The following PRB4 variants were observed in gnomAD, a reference collection of about 807,000 sequenced individuals.
PRB4 encodes proline rich protein BstNI subfamily 4, also known as basic salivary proline-rich protein 4.
In PRB4, 14 loss-of-function variants were observed where a neutral mutation model predicts 9.1. The ratio of observed to expected loss-of-function variants is 1.54; its 90% CI spans 1.02 to 2.41. The LOEUF is 2.41. PRB4 is among the 30% of genes most tolerant of loss of function. PRB4 has a pLI of 0.00. For synonymous variants in PRB4, 102 were observed against 108.5 expected, an observed-to-expected ratio of 0.94 and a Z score of 0.37; for missense variants, 381 against 299.3, an observed-to-expected ratio of 1.27 and a Z score of -2.02.
Position 11,308,223 on chromosome 12 carries a change from G to C in PRB4, c.*16C>G. On this transcript the variant is annotated splice_region_variant and 3_prime_UTR_variant, in exon 3 of 4. Transcript: ENST00000279575. Reference sequence around the variant, plus strand: ...TGAATAATAAAGTGGAATCATACCTGTCATTGAATCCTAGATTACTGGGGA... The same window carrying C: ...TGAATAATAAAGTGGAATCATACCTCTCATTGAATCCTAGATTACTGGGGA... 6.2e-7 allele frequency: 1 copy of C among 1,607,350 alleles called. No individual in the cohort carries two copies. The highest frequency in any genetic ancestry group is 8.5e-7 in the Non-Finnish European group (1 of 1,177,256).
rs1036041058 is a variant in PRB4 at position 11,310,228 on chromosome 12, A to C, written c.64+107T>G. ...AGGTCTCCTGATCCTAGGCATGAAA[A>C]CTCTGCAGCCCCATCTGTGTTTTCA... On this transcript the variant is annotated intron_variant, in intron 1 of 3. Coordinates refer to ENST00000279575, the MANE Select transcript of PRB4 (RefSeq NM_002723.6). 1.8e-5 allele frequency: 25 copies of C among 1,424,702 alleles called. 1 individual carries two copies. Among genetic ancestry groups the C allele is most frequent in the South Asian group, 1.6e-4 (14 of 87,316 alleles). The allele number at this position is 1,424,702 out of a possible 1,614,324, so 88.3% of individuals were successfully genotyped here.
Position 11,310,421 on chromosome 12 carries a change from C to T in PRB4, c.-23G>A, listed in dbSNP as rs117851690. The T allele has an allele frequency of 1.1e-4, 177 of 1,614,090 alleles. No individual in the cohort carries two copies. Among genetic ancestry groups the T allele is most frequent in the Non-Finnish European group, 1.4e-4 (171 of 1,180,024 alleles). The stretch of plus-strand genomic sequence containing the variant: ...CATCTCGCTGGAGGCTCTGGAGTCA[C>T]TCCCAACTCTGTGCTGGGAGGAACG... On this transcript the variant is annotated 5_prime_UTR_variant, in exon 1 of 4. The change creates a new upstream start codon in the 5' untranslated region. Transcript: ENST00000279575.
At chr12:11,309,289 G>C in intron 2 of PRB4, 81 bp downstream of exon 2, 2 of 1,605,116 alleles carry the variant, frequency 1.2e-6, no homozygotes, top group Non-Finnish European at 1.7e-6. Context: ...GGAAAGTGTT[G>C]ATAAGAAGAC....
In PRB4 at chr12:11,308,357, G is replaced by C; in HGVS notation, c.626C>G (p.Ala209Gly). Residue 209 changes from alanine (A) to glycine (G), a missense_variant, in exon 3 of 4, where the codon GCA becomes GGA. Around this residue, in one of 3 missense-constraint regions of PRB4, gnomAD observed 204 missense variants for 134.4 expected, o/e 1.52. Transcript: ENST00000279575. ...CTGAGGCTGCTGGGGATTGCCTCCT[G>C]CTGGGGGTGGGCCTTGTGGCTTTCC... Reference protein sequence around the residue: ...PPGKPQGPPPAGGNPQQPQAP... With the variant: ...PPGKPQGPPPGGGNPQQPQAP... 5 of 1,601,180 alleles carry C rather than the reference G, an allele frequency of 3.1e-6. No individual in the cohort carries two copies. Among genetic ancestry groups the C allele is most frequent in the Non-Finnish European group, 4.3e-6 (5 of 1,170,088 alleles).
intron 1 of PRB4, among the ~76,000 whole-genome samples, chr12:11,309,904 G>T (rs1863013986): frequency 6.6e-6 from 1 of 152,182 alleles, no homozygotes; most frequent in Non-Finnish European, 1.5e-5. Flanking sequence ...ACAGAGACAA[G>T]TGTTCTATCC....
chr12:11,307,134 T>C lies in PRB4; in HGVS notation c.*84A>G, dbSNP rs542432110. The C allele has an allele frequency of 8.4e-5, 13 of 154,478 alleles. No individual in the cohort carries two copies. Among genetic ancestry groups the C allele is most frequent in the African/African-American group, 3.1e-4 (13 of 41,644 alleles). 9.6% of individuals were successfully genotyped at this position (154,478 alleles called of 1,614,324 possible). A position where few individuals can be genotyped will look rare whatever the true frequency, so the allele number is the denominator to read the frequency against. On this transcript the variant is annotated 3_prime_UTR_variant, in exon 4 of 4. Coordinates refer to ENST00000279575, the MANE Select transcript of PRB4 (RefSeq NM_002723.6). Reference sequence around the variant, plus strand: ...TAAAGTTAGAGCTATGATGACCTTGTTCCAATGTCACGGCATTTGTAGCAA... The same window carrying C: ...TAAAGTTAGAGCTATGATGACCTTGCTCCAATGTCACGGCATTTGTAGCAA...
intron 3 of PRB4, among the ~76,000 whole-genome samples, chr12:11,307,752 A>AT (rs1257296473): frequency 4.9e-4 from 75 of 152,152 alleles, no homozygotes; most frequent in Non-Finnish European, 8.2e-4. Context: ...TCCATTAGAT[A>AT]TTTTTTGTTA....
At chr12:11,308,123 C>A (rs1200874635) in intron 3 of PRB4, 98 bp downstream of exon 3, 17 of 1,396,072 alleles carry the variant, frequency 1.2e-5, no homozygotes, top group Admixed American at 4.1e-5. Context: ...GGTTCTAGGA[C>A]AATACAATGT....
intron 2 of PRB4, 35 bp downstream of exon 2, chr12:11,309,335 G>C: frequency 6.2e-7 from 1 of 1,613,996 alleles, no homozygotes; most frequent in Non-Finnish European, 8.5e-7. Context: ...CAGAAAAAGG[G>C]AGTCAAAACA....
At chr12:11,308,153 C>G in intron 3 of PRB4, 68 bp downstream of exon 3, 1 of 1,520,186 alleles carries the variant, frequency 6.6e-7, no homozygotes, top group Non-Finnish European at 9.0e-7. Flanking sequence ...TTAGTTGATT[C>G]ATTGGCACAA....
rs1342273855 is a variant in PRB4, at chr12:11,309,294, G to T, written c.100+76C>A. The stretch of plus-strand genomic sequence containing the variant: ...ATTCCTGAAAGGAAAGTGTTGATAA[G>T]AAGACACTGGAGAAATGATCCATTT... On this transcript the variant is annotated intron_variant, in intron 2 of 3. Coordinates refer to ENST00000279575, the MANE Select transcript of PRB4 (RefSeq NM_002723.6). 6 of 1,607,996 alleles carry T rather than the reference G, an allele frequency of 3.7e-6. No individual in the cohort carries two copies. In the African/African-American group the frequency reaches 8.0e-5, roughly 21 times the overall value.
chr12:11,309,465 G>C (rs1271916055), intron 1 of PRB4, 60 bp from the exon 2 acceptor site: 2 of 1,613,584 alleles, frequency 1.2e-6, no homozygotes, highest in Admixed American at 3.3e-5. Context: ...AGACTCACAA[G>C]TGTTCTACAG....
intron 1 of PRB4, 129 bp from the exon 2 acceptor site, chr12:11,309,534 T>C: frequency 6.4e-7 from 1 of 1,557,812 alleles, no homozygotes. Flanking sequence ...TCAGCCACCA[T>C]CTGTGAAGGT....
Position 11,308,481 on chromosome 12 carries a change from G to C in PRB4, c.502C>G (p.Gln168Glu). ...GCACTTCGGGACTTGTTTCCTTCCT[G>C]TGGGGGTGGTCCTTCTGGCTTTCCT... ...HPGKPEGPPP[Q>E]EGNKSRSARS... is the part of the protein sequence containing the mutation. Residue 168 changes from glutamine (Q) to glutamate (E), a missense_variant, in exon 3 of 4, where the codon CAG becomes GAG. This residue lies in a region of PRB4 where 204 missense variants were observed against 134.4 expected (regional missense o/e 1.52). Coordinates refer to ENST00000279575, the MANE Select transcript of PRB4 (RefSeq NM_002723.6). The C allele has an allele frequency of 6.2e-7, 1 of 1,613,792 alleles. No individual in the cohort carries two copies. Among genetic ancestry groups the C allele is most frequent in the Non-Finnish European group, 8.5e-7 (1 of 1,179,908 alleles).
rs59774427 is a variant in PRB4, at chr12:11,308,510, T to C, written c.473A>G (p.His158Arg). 6.7e-7 allele frequency: 1 copy of C among 1,502,164 alleles called. No homozygotes were observed. The highest frequency in any genetic ancestry group is 1.1e-5 in the South Asian group (1 of 87,230). 93.1% of individuals were successfully genotyped at this position (1,502,164 alleles called of 1,614,324 possible). The change falls in exon 3 of 4, where the codon CAT becomes CGT. Residue 158 changes from histidine to arginine, a missense_variant. Transcript: ENST00000279575. ...GGGTGGTCCTTCTGGCTTTCCTGGA[T>C]GAGGTGGGGGACCTTGGGACTGGTT... ...GGNQSQGPPP[H>R]PGKPEGPPPQ...
chr12:11,307,759 G>GT (rs1862946214), intron 3 of PRB4, among the ~76,000 whole-genome samples: 2 of 152,122 alleles, frequency 1.3e-5, no homozygotes, highest in Non-Finnish European at 1.5e-5. Context: ...GATATTTTTT[G>GT]TTAGCTTAAT....
rs144775849 is a variant in PRB4, at chr12:11,310,334, C to T, written c.64+1G>A. 82 of 1,614,100 alleles carry T rather than the reference C, an allele frequency of 5.1e-5. No homozygotes were observed. The highest frequency in any genetic ancestry group is 6.7e-5 in the Non-Finnish European group (79 of 1,180,044). ...CGCATCTTTTCCCCCTTCTGTTTTA[C>T]CTTCACTTGAACTCTCAGCTGAGCT... On this transcript the variant is annotated splice_donor_variant, in intron 1 of 3. Coordinates refer to ENST00000279575, the MANE Select transcript of PRB4 (RefSeq NM_002723.6). LOFTEE classifies it high-confidence loss of function.
At chr12:11,307,438 C>T (rs1209653269) in intron 3 of PRB4, among the ~76,000 whole-genome samples, 6 of 152,192 alleles carry the variant, frequency 3.9e-5, no homozygotes, top group Admixed American at 3.9e-4. Flanking sequence ...TTAACGAAAT[C>T]ATGGCACAGC....
At chr12:11,308,156 T>C (rs954905792) in intron 3 of PRB4, 65 bp downstream of exon 3, 26 of 1,526,280 alleles carry the variant, frequency 1.7e-5, no homozygotes, top group Non-Finnish European at 2.2e-5. Context: ...GTTGATTCAT[T>C]GGCACAATAA....
Sources: gnomAD v4.1 joint callset for allele counts (sites outside exome capture counted in the v4.1 genomes callset) on GRCh38, gnomAD v4.1.1 for gene constraint, gnomAD v4.1.1 regional missense constraint, MANE v1.5 for transcripts, NCBI Gene and HGNC (gene_info 2026-07-23, HGNC 2026-07-21) for gene names.